The following ARHGAP15 variants were observed in gnomAD, a reference collection of about 807,000 sequenced individuals.
ARHGAP15 encodes the protein rho GTPase-activating protein 15.
A neutral mutation model predicts 63.7 loss-of-function variants in ARHGAP15; 51 were observed. The ratio of observed to expected loss-of-function variants is 0.80; its 90% confidence interval spans 0.64 to 1.01. ARHGAP15 has a LOEUF of 1.01. ARHGAP15 is among the 50% of genes least tolerant of loss of function. The pLI, the probability that ARHGAP15 is intolerant of heterozygous loss-of-function variation, is 0.00. For missense variants in ARHGAP15, 560 were observed against 564.6 expected (o/e 0.99, Z 0.08); for synonymous variants, 191 against 193.8 (o/e 0.99, Z 0.12).
intron 6 of ARHGAP15, among the ~76,000 whole-genome samples, chr2:143,356,374 G>A (rs1685810801): frequency 1.3e-5 from 2 of 151,978 alleles, no homozygotes; most frequent in South Asian, 4.2e-4. Flanking sequence ...ACTGCTCCAG[G>A]AAACAAAAGA....
intron 8 of ARHGAP15, among the ~76,000 whole-genome samples, chr2:143,486,073 C>T (rs935584211): frequency 2.0e-5 from 3 of 152,124 alleles, no homozygotes; most frequent in African/African-American, 7.2e-5. Flanking sequence ...CAAAAATTCC[C>T]TTTCTTTGCC....
chr2:143,144,610 C>T (rs975529012), intron 1 of ARHGAP15, among the ~76,000 whole-genome samples: 4 of 152,078 alleles, frequency 2.6e-5, no homozygotes, highest in Middle Eastern at 3.4e-3. Flanking sequence ...GACAAAGTAC[C>T]ATATTTTAAT....
At chr2:143,393,803 C>T (rs1318161578) in intron 6 of ARHGAP15, among the ~76,000 whole-genome samples, 1 of 151,278 alleles carries the variant, frequency 6.6e-6, no homozygotes. Flanking sequence ...GGACTGTCTT[C>T]CCCGTTGGGA....
intron 6 of ARHGAP15, among the ~76,000 whole-genome samples, chr2:143,410,320 T>A (rs1260493901): frequency 1.3e-5 from 2 of 152,172 alleles, no homozygotes; most frequent in Admixed American, 6.5e-5. Context: ...TGGACACATG[T>A]GCATAGTAAC....
intron 12 of ARHGAP15, among the ~76,000 whole-genome samples, chr2:143,636,278 C>T (rs578259931): frequency 6.6e-6 from 1 of 152,242 alleles, no homozygotes; most frequent in Admixed American, 6.5e-5. Context: ...ACAATGGTAA[C>T]ATTATTCTTT....
chr2:143,425,812 T>G (rs555263957), intron 6 of ARHGAP15, among the ~76,000 whole-genome samples: 1 of 152,270 alleles, frequency 6.6e-6, no homozygotes, highest in South Asian at 2.1e-4. Context: ...AAATCTAGAT[T>G]GTCAAGCTCT....
chr2:143,202,120 C>A lies in ARHGAP15; in HGVS notation c.166-14C>A, dbSNP rs1204022619. 1.2e-6 allele frequency: 2 copies of A among 1,600,650 alleles called. No individual in the cohort carries two copies. The highest frequency in any genetic ancestry group is 1.7e-6 in the Non-Finnish European group (2 of 1,168,588). The stretch of plus-strand genomic sequence containing the variant: ...AAAATTATGTAATAATATCCAATGT[C>A]AATATATTTGCAGATATCCAGACAC... On this transcript the variant is annotated splice_polypyrimidine_tract_variant and intron_variant, in intron 2 of 13. Coordinates refer to ENST00000295095, the MANE Select transcript of ARHGAP15 (RefSeq NM_018460.4).
At chr2:143,307,523 C>A (rs1683229168) in intron 6 of ARHGAP15, among the ~76,000 whole-genome samples, 2 of 152,216 alleles carry the variant, frequency 1.3e-5, no homozygotes, top group East Asian at 3.9e-4. Context: ...ACTGAGGTAT[C>A]ATCAGTTAAT....
intron 6 of ARHGAP15, among the ~76,000 whole-genome samples, chr2:143,260,401 A>G (rs1680660439): frequency 6.6e-6 from 1 of 152,152 alleles, no homozygotes; most frequent in African/African-American, 2.4e-5. Context: ...ATGGCTATTT[A>G]TATAGATCAC....
chr2:143,728,248 T>TC (rs1293261951), intron 13 of ARHGAP15, among the ~76,000 whole-genome samples: 1 of 152,208 alleles, frequency 6.6e-6, no homozygotes, highest in African/African-American at 2.4e-5. Context: ...GTGCTTTTTT[T>TC]CCCTGGTGTC....
chr2:143,428,330 A>G (rs1689221389), intron 6 of ARHGAP15, among the ~76,000 whole-genome samples: 1 of 151,970 alleles, frequency 6.6e-6, no homozygotes. Context: ...GCGGAAGTGC[A>G]GAGTGGGTCA....
chr2:143,563,899 G>A (rs1696121313), intron 11 of ARHGAP15: 1 of 152,244 alleles, frequency 6.6e-6, no homozygotes, highest in Non-Finnish European at 1.5e-5. Context: ...TGCCAACTTA[G>A]CTACCTAAAG....
chr2:143,567,793 C>T (rs556035313), intron 11 of ARHGAP15, among the ~76,000 whole-genome samples: 1 of 152,258 alleles, frequency 6.6e-6, no homozygotes, highest in East Asian at 1.9e-4. Flanking sequence ...TCTCGCTGTA[C>T]CTCACCTTCC....
chr2:143,628,060 A>G (rs1431475200), intron 12 of ARHGAP15, among the ~76,000 whole-genome samples: 1 of 151,960 alleles, frequency 6.6e-6, no homozygotes, highest in East Asian at 1.9e-4. Context: ...GCTCCCACTT[A>G]TAAGAAAGAA....
At chr2:143,440,476 T>A (rs972616926) in intron 8 of ARHGAP15, among the ~76,000 whole-genome samples, 4 of 152,174 alleles carry the variant, frequency 2.6e-5, no homozygotes, top group Non-Finnish European at 5.9e-5. Context: ...GATGTTCCCA[T>A]GAGTTTTGCC....
At chr2:143,571,330 G>A (rs1286582654) in intron 11 of ARHGAP15, among the ~76,000 whole-genome samples, 4 of 152,066 alleles carry the variant, frequency 2.6e-5, no homozygotes, top group East Asian at 1.9e-4. Flanking sequence ...CACGAAACTG[G>A]TCCCTGGTGC....
intron 9 of ARHGAP15, among the ~76,000 whole-genome samples, chr2:143,517,595 A>T (rs1693879132): frequency 6.6e-6 from 1 of 152,210 alleles, no homozygotes; most frequent in African/African-American, 2.4e-5. Flanking sequence ...AATGGTTGAG[A>T]TATGACGCCT....
intron 8 of ARHGAP15, among the ~76,000 whole-genome samples, chr2:143,460,596 G>T (rs949136017): frequency 6.6e-6 from 1 of 152,102 alleles, no homozygotes; most frequent in African/African-American, 2.4e-5. Context: ...GTGGTTTATT[G>T]CTTGATATGT....
At chr2:143,543,876 G>A (rs957150336) in intron 10 of ARHGAP15, among the ~76,000 whole-genome samples, 2 of 152,098 alleles carry the variant, frequency 1.3e-5, no homozygotes, top group African/African-American at 4.8e-5. Flanking sequence ...TTGTTAGATG[G>A]TTAACAGCCC....
Sources: gnomAD v4.1 joint callset for allele counts (sites outside exome capture counted in the v4.1 genomes callset) on GRCh38, gnomAD v4.1.1 for gene constraint, MANE v1.5 for transcripts, NCBI Gene and HGNC (gene_info 2026-07-23, HGNC 2026-07-21) for gene names.